Variants in RNF11 observed in about 807,000 individuals in gnomAD.
RNF11 encodes the protein ring finger protein 11.
A neutral mutation model predicts 15.8 loss-of-function variants in RNF11; 4 were observed. The observed-to-expected ratio is 0.25, with a 90% CI of 0.12 to 0.58. The LOEUF (loss-of-function observed/expected upper bound fraction) is 0.58, where lower values mean the gene tolerates loss of function less well. RNF11 is among the 20% of genes least tolerant of loss of function. The probability of loss-of-function intolerance (pLI) is 0.91; values close to 1 mark genes in which losing one functional copy is unlikely to be tolerated. For synonymous variants in RNF11, 68 were observed against 72.3 expected (o/e 0.94, Z 0.30); for missense variants, 139 against 194.4 (o/e 0.71, Z 1.70).
At chr1:51,268,284 G>A (rs958798411) in intron 1 of RNF11, among the ~76,000 whole-genome samples, 1 of 152,178 alleles carries the variant, frequency 6.6e-6, no homozygotes, top group Non-Finnish European at 1.5e-5. Context: ...GGAGGTCTTA[G>A]TCATTTCCTT....
At position 51,242,300 on chromosome 1, in the gene RNF11, C is replaced by T. The variant is rs563008614; in HGVS notation, c.123+5421C>T. ...ACATTTTGGATATTTCAAATTGTGT[C>T]TGCATAAAGCTTTCTTCAAGATACC... On this transcript the variant is annotated intron_variant, in intron 1 of 2. Transcript: ENST00000242719. 4.8e-5 allele frequency among the ~76,000 whole-genome samples: 7 copies of T among 146,976 alleles called. No individual in the cohort carries two copies. In the East Asian group the frequency reaches 1.4e-3, roughly 29 times the overall value.
chr1:51,252,081 CAAAAAAAAAA>C (rs928146865), intron 1 of RNF11, among the ~76,000 whole-genome samples: 2 of 53,650 alleles, frequency 3.7e-5, no homozygotes, highest in Non-Finnish European at 7.2e-5. Flanking sequence ...CATCTCAAAG[CAAAAAAAAAA>C]AAAAAAAAAA....
In RNF11 at chr1:51,271,311, G is replaced by A; in HGVS notation, c.454G>A (p.Glu152Lys). 1.9e-6 allele frequency: 3 copies of A among 1,611,830 alleles called. No individual in the cohort carries two copies. Among genetic ancestry groups the A allele is most frequent in the Non-Finnish European group, 2.5e-6 (3 of 1,178,482 alleles). The part of the protein sequence containing the change: ...PVDAALLSSY[E>K]TN ...TGATGCAGCACTGCTTTCATCCTAT[G>A]AGACTAATTGAGCCAGGGTCTCTTA... The change falls in exon 3 of 3, where the codon GAG becomes AAG. Residue 152 changes from glutamate (E) to lysine (K), a missense_variant. By Grantham distance (56) the Glu-to-Lys change is moderately conservative (BLOSUM62 1). Transcript: ENST00000242719.
chr1:51,236,462 G>A lies in RNF11; in HGVS notation c.-295G>A. On this transcript the variant is annotated 5_prime_UTR_variant, in exon 1 of 3. Coordinates refer to ENST00000242719, the MANE Select transcript of RNF11 (RefSeq NM_014372.5). ...GCAGCTCCGTGGCCGCCGCCGCCCC[G>A]CGGGGGGGCGGGGTGGGGAAGTGCT... 5.6e-6 allele frequency: 1 copy of A among 178,626 alleles called. No homozygotes were observed. The highest frequency in any genetic ancestry group is 1.1e-5 in the Non-Finnish European group (1 of 88,114). 11.1% of individuals were successfully genotyped at this position (178,626 alleles called of 1,614,324 possible). A position where few individuals can be genotyped will look rare whatever the true frequency, so the allele number is the denominator to read the frequency against.
In RNF11 at chr1:51,271,488, A is replaced by T; in HGVS notation, c.*166A>T. The T allele has an allele frequency of 1.8e-6, 1 of 553,452 alleles. No individual in the cohort carries two copies. The allele number at this position is 553,452 out of a possible 1,614,324, so 34.3% of individuals were successfully genotyped here. On this transcript the variant is annotated 3_prime_UTR_variant, in exon 3 of 3. Transcript: ENST00000242719. ...TGGGGGAAAAAGTACGTGATATTTTAGAAACTTAGTGGGAAAAGTAGGATG... is the reference window on the plus strand; with the variant it reads ...TGGGGGAAAAAGTACGTGATATTTTTGAAACTTAGTGGGAAAAGTAGGATG...
chr1:51,257,853 CTTTTTTT>C (rs1245365473), intron 1 of RNF11, among the ~76,000 whole-genome samples: 2 of 91,268 alleles, frequency 2.2e-5, no homozygotes, highest in Non-Finnish European at 3.7e-5. Flanking sequence ...CTTTTCTTTT[CTTTTTTT>C]TTTTTTTTTT....
chr1:51,259,961 C>A (rs1646922901), intron 1 of RNF11, among the ~76,000 whole-genome samples: 1 of 152,132 alleles, frequency 6.6e-6, no homozygotes, highest in African/African-American at 2.4e-5. Flanking sequence ...GTCTTAAAAG[C>A]CCCTAAAAGC....
intron 1 of RNF11, among the ~76,000 whole-genome samples, chr1:51,249,886 CAA>C (rs1200123041): frequency 2.0e-5 from 3 of 152,108 alleles, no homozygotes; most frequent in African/African-American, 7.2e-5. Context: ...CAAAAATAAA[CAA>C]GAGTTGACAG....
rs1245480131 is a variant in RNF11, at chr1:51,236,862, C to G, written c.106C>G (p.Pro36Ala). The change falls in exon 1 of 3, where the codon CCG becomes GCG. Residue 36 changes from proline (P) to alanine (A), a missense_variant. Coordinates refer to ENST00000242719, the MANE Select transcript of RNF11 (RefSeq NM_014372.5). ...FGEGTEPDQE[P>A]PPPYQEQVPV... ...CGAGGGGACGGAGCCGGATCAGGAG[C>G]CGCCGCCGCCATATCAGGTAGGGGA... The G allele has an allele frequency of 6.2e-7, 1 of 1,607,654 alleles. No individual in the cohort carries two copies. Among genetic ancestry groups the G allele is most frequent in the East Asian group, 2.3e-5 (1 of 44,328 alleles).
At chr1:51,263,548 C>T (rs1055271217) in intron 1 of RNF11, among the ~76,000 whole-genome samples, 4 of 152,168 alleles carry the variant, frequency 2.6e-5, no homozygotes, top group African/African-American at 9.7e-5. Flanking sequence ...CATTTCATTT[C>T]TCTGCTACAT....
chr1:51,248,096 C>CTTTTTTTT (rs1157196813), intron 1 of RNF11, among the ~76,000 whole-genome samples: 13 of 91,670 alleles, frequency 1.4e-4, no homozygotes, highest in Admixed American at 2.3e-4. Context: ...CTAGTTTCTT[C>CTTTTTTTT]TTTTTTTTTT....
At position 51,242,325 on chromosome 1, in the gene RNF11, C is replaced by CTT. The variant is rs57821900; in HGVS notation, c.123+5464_123+5465dup. Among the ~76,000 whole-genome samples, 506 of 131,120 alleles carry CTT rather than the reference C, an allele frequency of 3.9e-3. 4 individuals carry two copies. The highest frequency in any genetic ancestry group is 5.1e-3 in the African/African-American group (179 of 35,110). The allele number at this position is 131,120 out of a possible 152,430, so 86.0% of individuals were successfully genotyped here. A position where few individuals can be genotyped will look rare whatever the true frequency, so the allele number is the denominator to read the frequency against. On this transcript the variant is annotated intron_variant, in intron 1 of 2. Coordinates refer to ENST00000242719, the MANE Select transcript of RNF11 (RefSeq NM_014372.5). ...CTGCATAAAGCTTTCTTCAAGATAC[C>CTT]TTTTTTTTTTTTTTTTTTTGGCTGG...
At chr1:51,244,560 G>A (rs1646843913) in intron 1 of RNF11, among the ~76,000 whole-genome samples, 1 of 151,928 alleles carries the variant, frequency 6.6e-6, no homozygotes, top group African/African-American at 2.4e-5. Context: ...CTAATTTTTT[G>A]TATTTTTAGT....
Position 51,252,972 on chromosome 1 carries a change from G to A in RNF11, c.123+16093G>A, listed in dbSNP as rs547956761. ...CTCCCAAGTAGCTGGGATTATAGGCGCCCACCACGCGCGGCTAATTTTTTT... is the reference window on the plus strand; with the variant it reads ...CTCCCAAGTAGCTGGGATTATAGGCACCCACCACGCGCGGCTAATTTTTTT... On this transcript the variant is annotated intron_variant, in intron 1 of 2. Coordinates refer to ENST00000242719, the MANE Select transcript of RNF11 (RefSeq NM_014372.5). Among the ~76,000 whole-genome samples the A allele has an allele frequency of 2.2e-4, 34 of 151,816 alleles. No homozygotes were observed. The South Asian group carries it at 3.1e-3, about 14-fold the overall frequency.
chr1:51,243,396 G>A (rs574870028), intron 1 of RNF11, among the ~76,000 whole-genome samples: 5 of 151,830 alleles, frequency 3.3e-5, no homozygotes, highest in African/African-American at 4.8e-5. Context: ...ATTTCATCCC[G>A]GATCAGATCA....
chr1:51,269,767 T>C (rs1391111327), intron 1 of RNF11, among the ~76,000 whole-genome samples, 189 bp from the exon 2 acceptor site: 1 of 152,176 alleles, frequency 6.6e-6, no homozygotes, highest in East Asian at 1.9e-4. Flanking sequence ...AATGAGAATG[T>C]TTTGGTGTGT....
chr1:51,243,466 C>G (rs1419354598), intron 1 of RNF11, among the ~76,000 whole-genome samples: 1 of 152,064 alleles, frequency 6.6e-6, no homozygotes, highest in African/African-American at 2.4e-5. Context: ...GAAACAGAGT[C>G]TTCACTCTGT....
chr1:51,253,045 CA>C (rs2148069322), intron 1 of RNF11, among the ~76,000 whole-genome samples: 1 of 151,998 alleles, frequency 6.6e-6, no homozygotes, highest in South Asian at 2.1e-4. Flanking sequence ...AGGCTTGTCT[CA>C]AAACTCCTGA....
Position 51,236,498 on chromosome 1 carries a change from GCCC to G in RNF11, c.-248_-246del, listed in dbSNP as rs1157167039. 81 of 80,686 alleles carry G rather than the reference GCCC, an allele frequency of 1.0e-3. 1 individual carries two copies. Among genetic ancestry groups the G allele is most frequent in the African/African-American group, 3.8e-3 (75 of 19,896 alleles). 5.0% of individuals were successfully genotyped at this position (80,686 alleles called of 1,614,324 possible). A position where few individuals can be genotyped will look rare whatever the true frequency, so the allele number is the denominator to read the frequency against. On this transcript the variant is annotated 5_prime_UTR_variant, in exon 1 of 3. Coordinates refer to ENST00000242719, the MANE Select transcript of RNF11 (RefSeq NM_014372.5). ...GGGTGGGGAAGTGCTTCGTCTCCCC[GCCC>G]CCCCCCCCCCATCGCTGCCTCGCAG...
Sources: allele counts gnomAD v4.1 joint callset (sites outside exome capture counted in the v4.1 genomes callset), GRCh38; gene constraint gnomAD v4.1.1; transcripts MANE v1.5; gene names NCBI Gene and HGNC (gene_info 2026-07-23, HGNC 2026-07-21).